LAMA2: variants seen among roughly 807,000 people sequenced by gnomAD.
LAMA2 encodes the protein laminin subunit alpha-2.
A neutral mutation model predicts 364.8 loss-of-function variants in LAMA2; 269 were observed. The ratio of observed to expected loss-of-function variants is 0.74; its 90% confidence interval spans 0.67 to 0.82. The LOEUF (loss-of-function observed/expected upper bound fraction) is 0.82. LAMA2 is among the 40% of genes least tolerant of loss of function. LAMA2 has a pLI of 0.00. For synonymous variants in LAMA2, 1,379 were observed against 1,370.6 expected (o/e 1.01, Z -0.14); for missense variants, 3,807 against 3,873.2 (o/e 0.98, Z 0.45).
intron 1 of LAMA2, among the ~76,000 whole-genome samples, chr6:129,039,901 C>T (rs1786966608): frequency 6.6e-6 from 1 of 152,198 alleles, no homozygotes; most frequent in South Asian, 2.1e-4. Context: ...TCCTAACAGG[C>T]CACAGGCTGG....
At position 129,204,105 on chromosome 6, in the gene LAMA2, CAG is replaced by C. The variant is rs369783020; in HGVS notation, c.1782+11259_1782+11260del. On this transcript the variant is annotated intron_variant, in intron 12 of 64. Coordinates refer to ENST00000421865, the MANE Select transcript of LAMA2 (RefSeq NM_000426.4). ...ATCATTAAAAATAAAAATTGACAAT[CAG>C]AGAGAGTTAATTTTAGCAAGTACGT... 6.2e-3 allele frequency among the ~76,000 whole-genome samples: 941 copies of C among 152,244 alleles called. 8 individuals carry two copies. The highest frequency in any genetic ancestry group is 0.022 in the African/African-American group (901 of 41,538).
chr6:128,940,026 A>G (rs1416944169), intron 1 of LAMA2, among the ~76,000 whole-genome samples: 1 of 152,182 alleles, frequency 6.6e-6, no homozygotes, highest in East Asian at 1.9e-4. Flanking sequence ...TTACAAAAAA[A>G]GACCAAAAAT....
At chr6:129,117,908 C>T (rs1292402650) in intron 4 of LAMA2, among the ~76,000 whole-genome samples, 1 of 152,158 alleles carries the variant, frequency 6.6e-6, no homozygotes, top group Non-Finnish European at 1.5e-5. Flanking sequence ...AGTCTGCGTG[C>T]TCAGCCACAA....
chr6:129,101,464 C>T (rs918903539), intron 4 of LAMA2, among the ~76,000 whole-genome samples: 5 of 152,026 alleles, frequency 3.3e-5, no homozygotes, highest in Non-Finnish European at 5.9e-5. Context: ...TGCAGCTATC[C>T]GATTACTATC....
At chr6:129,168,311 G>T (rs967868308) in intron 9 of LAMA2, among the ~76,000 whole-genome samples, 1 of 150,126 alleles carries the variant, frequency 6.7e-6, no homozygotes, top group Non-Finnish European at 1.5e-5. Flanking sequence ...TAACGTTTAA[G>T]TCTTTAATCC....
chr6:129,263,526 G>A (rs1246250786), intron 15 of LAMA2, among the ~76,000 whole-genome samples: 2 of 152,132 alleles, frequency 1.3e-5, no homozygotes, highest in Admixed American at 6.6e-5. Flanking sequence ...AGCATAGATC[G>A]TGGAGTCTGT....
At chr6:129,422,800 G>A (rs1159040060) in intron 40 of LAMA2, among the ~76,000 whole-genome samples, 2 of 152,034 alleles carry the variant, frequency 1.3e-5, no homozygotes, top group Non-Finnish European at 2.9e-5. Context: ...TCAGAAAATT[G>A]AAGAGGAGAA....
At chr6:129,261,852 A>C (rs1562390632) in intron 15 of LAMA2, among the ~76,000 whole-genome samples, 1 of 152,100 alleles carries the variant, frequency 6.6e-6, no homozygotes, top group Non-Finnish European at 1.5e-5. Context: ...TGCTTTTCCA[A>C]AATTCATGTA....
Position 129,314,682 on chromosome 6 carries a change from A to G in LAMA2, c.3439A>G (p.Arg1147Gly). The G allele has an allele frequency of 6.2e-7, 1 of 1,613,730 alleles. No homozygotes were observed. ...KVNVEGIHCD[R>G]CRPGKFGLDA... is the part of the protein sequence containing the mutation. ...GAATGTGGAAGGCATCCACTGTGACAGATGCCGGCCTGGCAAATTCGGACT... is the reference window on the plus strand; with the variant it reads ...GAATGTGGAAGGCATCCACTGTGACGGATGCCGGCCTGGCAAATTCGGACT... Residue 1147 changes from arginine (R) to glycine (G), a missense_variant, in exon 24 of 65, where the codon AGA becomes GGA. Physicochemically the swap from Arg to Gly is moderately radical, Grantham distance 125. Transcript: ENST00000421865.
intron 40 of LAMA2, among the ~76,000 whole-genome samples, chr6:129,413,071 T>C (rs9285465): frequency 0.5 from 76,217 of 151,980 alleles, 19,602 homozygotes; most frequent in African/African-American, 0.62. Flanking sequence ...ACACAAATAC[T>C]GCAAATCTTA....
intron 12 of LAMA2, among the ~76,000 whole-genome samples, chr6:129,240,748 A>T (rs1273777592): frequency 6.6e-6 from 1 of 152,200 alleles, no homozygotes; most frequent in Admixed American, 6.5e-5. Flanking sequence ...TATATATCAT[A>T]ACAAATTGAA....
rs780049044 is a variant in LAMA2 at position 129,317,607 on chromosome 6, AAT to A, written c.4058+1440_4058+1441del. ...TATTTTTATATGAAATAATAAAAAA[AAT>A]ATACTTAAAAAACGCTGTTATCTAT... On this transcript the variant is annotated intron_variant, in intron 27 of 64. Transcript: ENST00000421865. Among the ~76,000 whole-genome samples the A allele has an allele frequency of 6.4e-4, 96 of 149,030 alleles. 1 individual carries two copies. The highest frequency in any genetic ancestry group is 1.4e-3 in the East Asian group (7 of 5,160).
At chr6:129,360,973 C>T (rs1777425578) in intron 32 of LAMA2, among the ~76,000 whole-genome samples, 1 of 152,056 alleles carries the variant, frequency 6.6e-6, no homozygotes, top group Non-Finnish European at 1.5e-5. Flanking sequence ...TCTAGCCATC[C>T]TGTTATCAAC....
intron 1 of LAMA2, among the ~76,000 whole-genome samples, chr6:129,021,389 T>C (rs1047779147): frequency 5.3e-5 from 8 of 152,240 alleles, no homozygotes; most frequent in Non-Finnish European, 7.3e-5. Context: ...TAGCCTTTCA[T>C]TGATTTCAAG....
chr6:129,008,666 A>G lies in LAMA2; in HGVS notation c.113-41252A>G, dbSNP rs371992775. Among the ~76,000 whole-genome samples, 119 of 152,312 alleles carry G rather than the reference A, an allele frequency of 7.8e-4. 3 individuals carry two copies. In the South Asian group the frequency reaches 0.021, roughly 27 times the overall value. Reference sequence around the variant, plus strand: ...CAAAAGTAATAATAATATTTCCACAAATAAAGGGATGTTAACCAAAATTAA... The same window carrying G: ...CAAAAGTAATAATAATATTTCCACAGATAAAGGGATGTTAACCAAAATTAA... On this transcript the variant is annotated intron_variant, in intron 1 of 64. Transcript: ENST00000421865.
chr6:129,013,168 G>A (rs980205802), intron 1 of LAMA2, among the ~76,000 whole-genome samples: 2 of 152,202 alleles, frequency 1.3e-5, no homozygotes, highest in Admixed American at 6.5e-5. Context: ...GGGTGTGGTG[G>A]CTCACGCCTG....
intron 1 of LAMA2, among the ~76,000 whole-genome samples, chr6:128,961,364 T>TATATC: frequency 1.0e-5 from 1 of 100,440 alleles, no homozygotes; most frequent in Non-Finnish European, 2.0e-5. Context: ...TATATATATA[T>TATATC]ATATTAGTTT....
chr6:129,239,122 C>G (rs150806483), intron 12 of LAMA2, among the ~76,000 whole-genome samples: 1 of 152,250 alleles, frequency 6.6e-6, no homozygotes, highest in Non-Finnish European at 1.5e-5. Context: ...AAATACTATT[C>G]TAGATTATTC....
intron 2 of LAMA2, among the ~76,000 whole-genome samples, chr6:129,059,335 G>A (rs1170102469): frequency 6.6e-6 from 1 of 152,100 alleles, no homozygotes; most frequent in Non-Finnish European, 1.5e-5. Flanking sequence ...TGTCAGAAGG[G>A]CAAGTGTTCA....
Sources: gnomAD v4.1 joint callset for allele counts (sites outside exome capture counted in the v4.1 genomes callset) on GRCh38, gnomAD v4.1.1 for gene constraint, MANE v1.5 for transcripts, NCBI Gene and HGNC (gene_info 2026-07-23, HGNC 2026-07-21) for gene names.